The following SYNE2 variants were observed in gnomAD, a reference collection of about 807,000 sequenced individuals.
SYNE2 encodes nesprin-2.
A neutral mutation model predicts 856.3 loss-of-function variants in SYNE2; 431 were observed. The ratio of observed to expected loss-of-function variants is 0.50; its 90% CI spans 0.47 to 0.55. SYNE2 has a LOEUF of 0.55. SYNE2 is among the 20% of genes least tolerant of loss of function. The pLI is 0.00. For missense variants in SYNE2, 8,129 were observed against 8,023.2 expected (o/e 1.01, Z -0.50); for synonymous variants, 2,923 against 2,872.3 (o/e 1.02, Z -0.56).
chr14:64,135,633 G>A (rs1038413070), intron 78 of SYNE2, among the ~76,000 whole-genome samples: 11 of 152,110 alleles, frequency 7.2e-5, no homozygotes, highest in African/African-American at 2.7e-4. Flanking sequence ...TCTAATATTA[G>A]CCAACCTAAT....
rs969029695 is a variant in SYNE2, at chr14:64,174,199, G to A, written c.17236-745G>A. ...TGATTCTTGGGACTCAGCCTCCCAA[G>A]TAGCTGGAATTACAGGCATCCACCA... On this transcript the variant is annotated intron_variant, in intron 94 of 115. Coordinates refer to ENST00000555002, the MANE Select transcript of SYNE2 (RefSeq NM_182914.3). Among the ~76,000 whole-genome samples, 17 of 151,994 alleles carry A rather than the reference G, an allele frequency of 1.1e-4. 1 individual carries two copies. The highest frequency in any genetic ancestry group is 3.4e-3 in the Middle Eastern group (1 of 294).
At chr14:64,003,413 C>T in intron 30 of SYNE2, 83 bp downstream of exon 30, 2 of 1,526,036 alleles carry the variant, frequency 1.3e-6, no homozygotes, top group East Asian at 2.3e-5. Context: ...GAAATTCTTC[C>T]TATGTCTTTC....
chr14:63,807,500 C>T (rs1241819210), intron 1 of SYNE2, among the ~76,000 whole-genome samples: 1 of 151,930 alleles, frequency 6.6e-6, no homozygotes, highest in Non-Finnish European at 1.5e-5. Flanking sequence ...GTGGTCAAAG[C>T]TGTCTGAGAT....
At chr14:63,975,635 G>C (rs886198891) in intron 11 of SYNE2, among the ~76,000 whole-genome samples, 10 of 152,140 alleles carry the variant, frequency 6.6e-5, no homozygotes, top group Non-Finnish European at 1.5e-4. Flanking sequence ...CACCCAACCT[G>C]TACATGTATT....
intron 7 of SYNE2, among the ~76,000 whole-genome samples, chr14:63,950,921 T>G (rs1269229744): frequency 2.0e-5 from 3 of 152,058 alleles, no homozygotes; most frequent in Non-Finnish European, 4.4e-5. Context: ...TCTTCGAAAG[T>G]GCTGGGATTA....
chr14:63,801,661 T>G (rs1388363403), intron 1 of SYNE2, among the ~76,000 whole-genome samples: 1 of 151,476 alleles, frequency 6.6e-6, no homozygotes, highest in East Asian at 1.9e-4. Context: ...GCAACAACAG[T>G]GAAACTCCAT....
At chr14:64,084,735 C>T (rs908869338) in intron 57 of SYNE2, 1 of 491,176 alleles carries the variant, frequency 2.0e-6, no homozygotes, top group Admixed American at 3.3e-5. Flanking sequence ...CATAAGTTAG[C>T]AGCTTGAAAC....
In SYNE2 at chr14:64,152,738, G is replaced by C. The variant is rs372589185; in HGVS notation, c.15792+22G>C. The C allele has an allele frequency of 8.7e-6, 14 of 1,613,578 alleles. No individual in the cohort carries two copies. The African/African-American group carries it at 1.6e-4, about 18-fold the overall frequency. On this transcript the variant is annotated intron_variant, in intron 85 of 115. Coordinates refer to ENST00000555002, the MANE Select transcript of SYNE2 (RefSeq NM_182914.3). ...TCAGGTACTAGAATTCATTTGAAATGTGCTATTTCTCTTCACATATTCTTT... is the reference window on the plus strand; with the variant it reads ...TCAGGTACTAGAATTCATTTGAAATCTGCTATTTCTCTTCACATATTCTTT...
At chr14:63,921,100 G>A (rs994872487) in intron 2 of SYNE2, among the ~76,000 whole-genome samples, 1 of 152,006 alleles carries the variant, frequency 6.6e-6, no homozygotes, top group Non-Finnish European at 1.5e-5. Flanking sequence ...GGGGGACAGA[G>A]CGAGACTCTG....
At chr14:64,147,688 T>G (rs970243717) in intron 84 of SYNE2, among the ~76,000 whole-genome samples, 1 of 152,210 alleles carries the variant, frequency 6.6e-6, no homozygotes, top group Non-Finnish European at 1.5e-5. Context: ...TATAACTAAG[T>G]TCAGCAAAGC....
chr14:63,936,134 A>C (rs543217588), intron 2 of SYNE2, among the ~76,000 whole-genome samples: 12 of 152,290 alleles, frequency 7.9e-5, no homozygotes, highest in African/African-American at 2.9e-4. Flanking sequence ...TGGCCTCCCA[A>C]AGTGCTGGGA....
rs1442641605 is a variant in SYNE2, at chr14:64,078,557, T to A, written c.11114T>A (p.Met3705Lys). ...INNGLHNVEKMLQQKSKNIEK... is the reference protein window; with the variant it reads ...INNGLHNVEKKLQQKSKNIEK... ...AATGGGCTTCATAATGTTGAAAAGA[T>A]GTTGCAGCAGAAAAGCAAAAATATT... Residue 3705 changes from methionine (M) to lysine (K), a missense_variant, in exon 55 of 116, where the codon ATG becomes AAG. Coordinates refer to ENST00000555002, the MANE Select transcript of SYNE2 (RefSeq NM_182914.3). 1 of 1,614,028 alleles carries A rather than the reference T, an allele frequency of 6.2e-7. No homozygotes were observed. The highest frequency in any genetic ancestry group is 8.5e-7 in the Non-Finnish European group (1 of 1,180,016).
At chr14:64,010,234 A>T (rs568054364) in intron 32 of SYNE2, 118 bp downstream of exon 32, 1 of 1,077,564 alleles carries the variant, frequency 9.3e-7, no homozygotes. Context: ...GTTACTAGTG[A>T]CCCTATTTTA....
At chr14:63,871,509 G>C (rs1201860062) in intron 1 of SYNE2, among the ~76,000 whole-genome samples, 1 of 150,396 alleles carries the variant, frequency 6.6e-6, no homozygotes, top group African/African-American at 2.4e-5. Flanking sequence ...TGCCTGGCGA[G>C]ATTTGAATTT....
At chr14:63,835,532 C>T (rs1159275536) in intron 1 of SYNE2, among the ~76,000 whole-genome samples, 2 of 151,248 alleles carry the variant, frequency 1.3e-5, no homozygotes, top group Non-Finnish European at 2.9e-5. Context: ...CATGCCTGGC[C>T]TTACGTATGT....
At chr14:63,950,689 C>T (rs527272657) in intron 7 of SYNE2, among the ~76,000 whole-genome samples, 1 of 152,168 alleles carries the variant, frequency 6.6e-6, no homozygotes, top group African/African-American at 2.4e-5. Flanking sequence ...CAGGGTCTCA[C>T]TTTGTCACCC....
intron 1 of SYNE2, among the ~76,000 whole-genome samples, chr14:63,897,645 A>T (rs1255488843): frequency 6.6e-6 from 1 of 152,216 alleles, no homozygotes; most frequent in Non-Finnish European, 1.5e-5. Context: ...ATTTGGGTTC[A>T]TTCGCAGCCG....
intron 78 of SYNE2, among the ~76,000 whole-genome samples, chr14:64,136,900 G>C (rs2098096498): frequency 1.3e-5 from 2 of 152,200 alleles, no homozygotes; most frequent in African/African-American, 4.8e-5. Flanking sequence ...AATCAGAGGG[G>C]TGGTGGGGAC....
chr14:64,141,237 C>T lies in SYNE2; in HGVS notation c.14977-104C>T, dbSNP rs113259397. On this transcript the variant is annotated intron_variant, in intron 80 of 115. Transcript: ENST00000555002. The stretch of plus-strand genomic sequence containing the variant: ...GTGTGTGTGTGTGTGTATACACATT[C>T]GTATATTTACTATGTTTATTTGTTG... The T allele has an allele frequency of 1.0e-5, 9 of 881,504 alleles. No individual in the cohort carries two copies. In the African/African-American group the frequency reaches 1.2e-4, roughly 12 times the overall value. The allele number at this position is 881,504 out of a possible 1,614,324, so 54.6% of individuals were successfully genotyped here.
Sources: allele counts gnomAD v4.1 joint callset (sites outside exome capture counted in the v4.1 genomes callset), GRCh38; gene constraint gnomAD v4.1.1; transcripts MANE v1.5; gene names NCBI Gene and HGNC (gene_info 2026-07-23, HGNC 2026-07-21).